Variants in STARD9 observed in about 807,000 individuals in gnomAD.
STARD9 encodes stAR-related lipid transfer protein 9.
Under a neutral mutation model 399.8 loss-of-function variants are expected in STARD9, and 346 were observed. The observed-to-expected ratio is 0.87, with a 90% CI of 0.79 to 0.95. The LOEUF is 0.95. Among genes scored for constraint, STARD9 ranks in the 40% least tolerant of loss-of-function variants. The pLI is 0.00. For missense variants in STARD9, 5,832 were observed against 5,667.5 expected, an observed-to-expected ratio of 1.03 and a Z score of -0.93; for synonymous variants, 2,203 against 2,143.5, an observed-to-expected ratio of 1.03 and a Z score of -0.77.
chr15:42,704,350 G>A (rs1284739824), intron 26 of STARD9, among the ~76,000 whole-genome samples: 2 of 152,172 alleles, frequency 1.3e-5, no homozygotes, highest in Non-Finnish European at 2.9e-5. Context: ...AATCTCTTCA[G>A]GATGGATCAC....
rs2059341495 is a variant in STARD9, at chr15:42,632,012, T to A, written c.235-2844T>A. On this transcript the variant is annotated intron_variant, in intron 3 of 32. Coordinates refer to ENST00000290607, the MANE Select transcript of STARD9 (RefSeq NM_020759.3). ...TTTCTTTGTTGATTTTCTGTCTGAA[T>A]GATCTTTCCAATGCTGAAAGTGGGG... Among the ~76,000 whole-genome samples, 4 of 152,208 alleles carry A rather than the reference T, an allele frequency of 2.6e-5. No individual in the cohort carries two copies. The South Asian group carries it at 8.3e-4, about 32-fold the overall frequency.
chr15:42,621,030 AG>A (rs2059082090), intron 3 of STARD9, among the ~76,000 whole-genome samples: 1 of 152,196 alleles, frequency 6.6e-6, no homozygotes, highest in Admixed American at 6.6e-5. Flanking sequence ...CTGGGATTAT[AG>A]GGGTGAGCCA....
At position 42,718,895 on chromosome 15, in the gene STARD9, C is replaced by T. The variant is rs1008606821; in HGVS notation, c.13986C>T (p.Val4662=). 2.0e-6 allele frequency: 3 copies of T among 1,537,192 alleles called. No homozygotes were observed. The highest frequency in any genetic ancestry group is 2.6e-6 in the Non-Finnish European group (3 of 1,146,868). ...TGGAAGGGAAGGAAGTCACCAGAGT[C>T]ATCTACTTGGCCCAGGTGATAAATC... ...ITVEGKEVTR[V]IYLAQVELGA... is the part of the protein sequence containing the mutation. Residue 4662 remains valine (V), a synonymous_variant, in exon 32 of 33, where the codon GTC becomes GTT. Coordinates refer to ENST00000290607, the MANE Select transcript of STARD9 (RefSeq NM_020759.3).
chr15:42,699,745 T>G (rs2060925731), intron 26 of STARD9, among the ~76,000 whole-genome samples: 1 of 151,984 alleles, frequency 6.6e-6, no homozygotes, highest in Non-Finnish European at 1.5e-5. Flanking sequence ...CTCACTCTGT[T>G]GCCCAAGCTG....
chr15:42,693,029 C>A lies in STARD9; in HGVS notation c.11451C>A (p.Ser3817=). The change falls in exon 23 of 33, where the codon TCC becomes TCA. Residue 3817 remains serine (S), a synonymous_variant. Coordinates refer to ENST00000290607, the MANE Select transcript of STARD9 (RefSeq NM_020759.3). ...YKPQSPSIPS[S]HLRFQKAPVG... is the part of the protein sequence containing the mutation. Reference sequence around the variant, plus strand: ...CCCAGAGCCCTTCAATACCCTCATCCCACTTGAGGTTTCAGAAAGCCCCCG... The same window carrying A: ...CCCAGAGCCCTTCAATACCCTCATCACACTTGAGGTTTCAGAAAGCCCCCG... 1 of 1,537,202 alleles carries A rather than the reference C, an allele frequency of 6.5e-7. No homozygotes were observed. Among genetic ancestry groups the A allele is most frequent in the East Asian group, 2.4e-5 (1 of 40,894 alleles).
At chr15:42,663,211 C>A in intron 11 of STARD9, 70 bp from the exon 12 acceptor site, 1 of 1,338,660 alleles carries the variant, frequency 7.5e-7, no homozygotes, top group Non-Finnish European at 1.0e-6. Context: ...GTTCTCCAAC[C>A]ATTGTTTTGT....
intron 9 of STARD9, among the ~76,000 whole-genome samples, chr15:42,655,100 G>A (rs1451239039): frequency 6.6e-6 from 1 of 152,166 alleles, no homozygotes; most frequent in African/African-American, 2.4e-5. Flanking sequence ...TGGCCAACAT[G>A]GTGAAACCCC....
At chr15:42,579,979 A>T (rs2058134850) in intron 1 of STARD9, among the ~76,000 whole-genome samples, 1 of 152,104 alleles carries the variant, frequency 6.6e-6, no homozygotes, top group Non-Finnish European at 1.5e-5. Flanking sequence ...AGACAAAATC[A>T]CTTCACTTTC....
intron 3 of STARD9, among the ~76,000 whole-genome samples, chr15:42,590,253 A>G (rs1018350454): frequency 1.3e-5 from 2 of 152,072 alleles, no homozygotes; most frequent in Non-Finnish European, 2.9e-5. Context: ...GTGAGCCACC[A>G]CACCTGACCT....
At chr15:42,618,412 C>T (rs2059015773) in intron 3 of STARD9, among the ~76,000 whole-genome samples, 1 of 152,038 alleles carries the variant, frequency 6.6e-6, no homozygotes, top group African/African-American at 2.4e-5. Flanking sequence ...GGATTACAGG[C>T]ATGAGCCGCC....
At chr15:42,588,779 T>G (rs1317510959) in intron 3 of STARD9, among the ~76,000 whole-genome samples, 6 of 12,066 alleles carry the variant, frequency 5.0e-4, no homozygotes, top group East Asian at 3.0e-3. Flanking sequence ...TCACAGCGTT[T>G]TTTTTTTTTT....
At chr15:42,583,560 C>T (rs921898667) in intron 2 of STARD9, 145 bp downstream of exon 2, 6 of 560,834 alleles carry the variant, frequency 1.1e-5, no homozygotes, top group African/African-American at 5.6e-5. Context: ...GAGCTTATGC[C>T]AATCATAAAG....
At chr15:42,618,359 C>T (rs1285347249) in intron 3 of STARD9, among the ~76,000 whole-genome samples, 2 of 151,924 alleles carry the variant, frequency 1.3e-5, no homozygotes, top group Non-Finnish European at 2.9e-5. Flanking sequence ...TCGTGAACTC[C>T]TGTGCTCAAG....
At chr15:42,610,370 G>A (rs1239559117) in intron 3 of STARD9, among the ~76,000 whole-genome samples, 4 of 151,974 alleles carry the variant, frequency 2.6e-5, no homozygotes, top group Admixed American at 2.0e-4. Flanking sequence ...CTTTCCTTTC[G>A]GCAGCATGAT....
intron 8 of STARD9, among the ~76,000 whole-genome samples, chr15:42,651,737 A>C (rs1193955861): frequency 6.6e-6 from 1 of 152,170 alleles, no homozygotes; most frequent in East Asian, 1.9e-4. Context: ...TAAATTTAAC[A>C]TTCTCCTGAG....
intron 3 of STARD9, among the ~76,000 whole-genome samples, chr15:42,586,755 G>T (rs1388558380): frequency 6.6e-6 from 1 of 152,086 alleles, no homozygotes; most frequent in Non-Finnish European, 1.5e-5. Context: ...GGGGAAACCT[G>T]GACAGTCATT....
At chr15:42,712,092 T>A (rs1295839110) in intron 26 of STARD9, among the ~76,000 whole-genome samples, 1 of 82 alleles carries the variant, frequency 0.012, no homozygotes, top group African/African-American at 0.12. Context: ...TATATATATA[T>A]ATATAATATA....
At chr15:42,655,542 G>C (rs562152422) in intron 9 of STARD9, among the ~76,000 whole-genome samples, 1 of 152,280 alleles carries the variant, frequency 6.6e-6, no homozygotes, top group African/African-American at 2.4e-5. Flanking sequence ...ACATGTAAGA[G>C]AATGACACTG....
At chr15:42,712,083 AT>A (rs2061239029) in intron 26 of STARD9, among the ~76,000 whole-genome samples, 1 of 42,846 alleles carries the variant, frequency 2.3e-5, no homozygotes, top group African/African-American at 2.5e-4. Flanking sequence ...TATATATATT[AT>A]ATATATATAT....
Sources: allele counts gnomAD v4.1 joint callset (sites outside exome capture counted in the v4.1 genomes callset), GRCh38; gene constraint gnomAD v4.1.1; transcripts MANE v1.5; gene names NCBI Gene and HGNC (gene_info 2026-07-23, HGNC 2026-07-21).